RCAN2: variants seen among roughly 807,000 people sequenced by gnomAD.
The protein encoded by RCAN2 is regulator of calcineurin 2.
In RCAN2, 9 loss-of-function variants were observed where a neutral mutation model predicts 23.6. The observed-to-expected ratio is 0.38, with a 90% CI of 0.23 to 0.67. RCAN2 has a LOEUF of 0.67. Among genes scored for constraint, RCAN2 ranks in the 30% least tolerant of loss-of-function variants. RCAN2 has a pLI of 0.51. For synonymous variants in RCAN2, 109 were observed against 115.7 expected, an observed-to-expected ratio of 0.94 and a Z score of 0.37; for missense variants, 273 against 302.3, an observed-to-expected ratio of 0.90 and a Z score of 0.72.
chr6:46,462,199 G>C (rs1408102844), intron 1 of RCAN2, among the ~76,000 whole-genome samples: 1 of 152,174 alleles, frequency 6.6e-6, no homozygotes, highest in African/African-American at 2.4e-5. Flanking sequence ...TATTTGGTAT[G>C]AGTTTGGGTG....
At chr6:46,234,654 A>C (rs1176033260) in intron 4 of RCAN2, among the ~76,000 whole-genome samples, 2 of 152,258 alleles carry the variant, frequency 1.3e-5, no homozygotes, top group Non-Finnish European at 2.9e-5. Context: ...AAAGTCACCA[A>C]CAAGTGCATT....
intron 2 of RCAN2, among the ~76,000 whole-genome samples, chr6:46,314,445 A>AGAAGGTGT (rs1763366373): frequency 6.6e-6 from 1 of 151,732 alleles, no homozygotes; most frequent in Non-Finnish European, 1.5e-5. Flanking sequence ...AAGCAGCCAG[A>AGAAGGTGT]GTAGGTGTGT....
At chr6:46,237,453 A>G (rs914037542) in intron 4 of RCAN2, among the ~76,000 whole-genome samples, 1 of 152,162 alleles carries the variant, frequency 6.6e-6, no homozygotes, top group Admixed American at 6.5e-5. Context: ...TGAATTCTCA[A>G]CAGGAAAGTT....
At chr6:46,293,249 C>A (rs1429122348) in intron 2 of RCAN2, among the ~76,000 whole-genome samples, 1 of 152,094 alleles carries the variant, frequency 6.6e-6, no homozygotes, top group African/African-American at 2.4e-5. Flanking sequence ...TAGTAATATT[C>A]TTAGCATCTT....
intron 2 of RCAN2, among the ~76,000 whole-genome samples, chr6:46,431,682 A>G (rs1427559345): frequency 6.6e-6 from 1 of 152,174 alleles, no homozygotes; most frequent in Non-Finnish European, 1.5e-5. Flanking sequence ...AAACAACAAA[A>G]CATTTATTGG....
chr6:46,342,324 T>C (rs535110227), intron 2 of RCAN2, among the ~76,000 whole-genome samples: 1 of 152,172 alleles, frequency 6.6e-6, no homozygotes, highest in Admixed American at 6.5e-5. Flanking sequence ...CTCTGAGACA[T>C]CTGGTATAGA....
intron 2 of RCAN2, among the ~76,000 whole-genome samples, chr6:46,369,433 A>G (rs930599287): frequency 6.6e-6 from 1 of 152,252 alleles, no homozygotes; most frequent in Non-Finnish European, 1.5e-5. Context: ...CTAGACTTTT[A>G]TATGACTGAC....
At position 46,221,627 on chromosome 6, in the gene RCAN2, G is replaced by A. The variant is rs910226914; in HGVS notation, c.*1514C>T. ...ACGGACTTTAATTTCTGAGTGATCAGTCTATGTTTTAAGTTTCTGATGAAA... is the reference window on the plus strand; with the variant it reads ...ACGGACTTTAATTTCTGAGTGATCAATCTATGTTTTAAGTTTCTGATGAAA... On this transcript the variant is annotated 3_prime_UTR_variant, in exon 5 of 5. Transcript: ENST00000371374. 1.5e-4 allele frequency: 43 copies of A among 294,396 alleles called. No homozygotes were observed. The highest frequency in any genetic ancestry group is 8.4e-4 in the African/African-American group (39 of 46,284). 18.2% of individuals were successfully genotyped at this position (294,396 alleles called of 1,614,324 possible). A position where few individuals can be genotyped will look rare whatever the true frequency, so the allele number is the denominator to read the frequency against.
intron 2 of RCAN2, among the ~76,000 whole-genome samples, chr6:46,356,225 G>T (rs534647364): frequency 6.6e-6 from 1 of 152,360 alleles, no homozygotes; most frequent in Non-Finnish European, 1.5e-5. Context: ...GCCCGGATCA[G>T]TAAGCTGAAC....
intron 4 of RCAN2, among the ~76,000 whole-genome samples, chr6:46,238,573 G>A (rs1462704129): frequency 2.6e-5 from 4 of 152,130 alleles, no homozygotes; most frequent in Non-Finnish European, 5.9e-5. Flanking sequence ...TATTGAGACA[G>A]GAACTCACTT....
At chr6:46,356,620 C>T (rs951684840) in intron 2 of RCAN2, among the ~76,000 whole-genome samples, 4 of 152,080 alleles carry the variant, frequency 2.6e-5, no homozygotes, top group African/African-American at 4.8e-5. Context: ...TGCACAGGTT[C>T]GTGCCTCAGG....
At chr6:46,257,790 C>T (rs982417809) in intron 2 of RCAN2, among the ~76,000 whole-genome samples, 1 of 152,200 alleles carries the variant, frequency 6.6e-6, no homozygotes, top group African/African-American at 2.4e-5. Flanking sequence ...AAGCTAATCA[C>T]ATACACTAAG....
rs1380907320 is a variant in RCAN2, at chr6:46,490,998, ACTGCCCCCACCCCCGCCACCGCCC to A, written c.-3+151_-3+174del. 5.3e-3 allele frequency among the ~76,000 whole-genome samples: 508 copies of A among 96,216 alleles called. 3 individuals carry two copies. Among genetic ancestry groups the A allele is most frequent in the Non-Finnish European group, 6.3e-3 (272 of 42,854 alleles). 63.1% of individuals were successfully genotyped at this position (96,216 alleles called of 152,430 possible). On this transcript the variant is annotated intron_variant, in intron 1 of 4. Transcript: ENST00000371374. ...TCTGGAGACAAACCCCACCCCCGCCACTGCCCCCACCCCCGCCACCGCCCCCGCCCCCGCCCCCGCCCCCGCCCT... is the reference window on the plus strand; with the variant it reads ...TCTGGAGACAAACCCCACCCCCGCCACCGCCCCCGCCCCCGCCCCCGCCCT...
intron 1 of RCAN2, among the ~76,000 whole-genome samples, chr6:46,479,241 A>G (rs575315600): frequency 1.4e-4 from 22 of 152,362 alleles, no homozygotes; most frequent in South Asian, 4.1e-4. Context: ...AACTGAGTAC[A>G]GAGCATCCTT....
At chr6:46,332,353 C>T (rs906586111) in intron 2 of RCAN2, among the ~76,000 whole-genome samples, 1 of 151,952 alleles carries the variant, frequency 6.6e-6, no homozygotes. Context: ...TACATGTGCA[C>T]AATGTGCAGG....
chr6:46,488,807 G>A (rs1769062885), intron 1 of RCAN2, among the ~76,000 whole-genome samples: 1 of 152,112 alleles, frequency 6.6e-6, no homozygotes, highest in Non-Finnish European at 1.5e-5. Context: ...CCCCTGAAAT[G>A]GCTCTGTATA....
At chr6:46,332,598 T>C (rs1044993076) in intron 2 of RCAN2, among the ~76,000 whole-genome samples, 1 of 152,204 alleles carries the variant, frequency 6.6e-6, no homozygotes, top group African/African-American at 2.4e-5. Flanking sequence ...CTGAGAATGA[T>C]GATTTCCAAT....
rs1343283350 is a variant in RCAN2 at position 46,233,487 on chromosome 6, G to T, written c.572-10186C>A. Among the ~76,000 whole-genome samples, 9 of 152,226 alleles carry T rather than the reference G, an allele frequency of 5.9e-5. No individual in the cohort carries two copies. The East Asian group carries it at 1.7e-3, about 29-fold the overall frequency. On this transcript the variant is annotated intron_variant, in intron 4 of 4. Coordinates refer to ENST00000371374, the MANE Select transcript of RCAN2 (RefSeq NM_001251974.2). ...GGAGTGCATTGAGGAAAGGGGGATG[G>T]CCTCTGTCATCCTCAAATGAGGAAT...
chr6:46,375,133 C>T (rs1394376690), intron 2 of RCAN2, among the ~76,000 whole-genome samples: 10 of 152,130 alleles, frequency 6.6e-5, no homozygotes, highest in Admixed American at 4.6e-4. Context: ...TTAGTAGAGA[C>T]GGGGTTTCAC....
Sources: allele counts gnomAD v4.1 joint callset (sites outside exome capture counted in the v4.1 genomes callset), GRCh38; gene constraint gnomAD v4.1.1; transcripts MANE v1.5; gene names NCBI Gene and HGNC (gene_info 2026-07-23, HGNC 2026-07-21).